SH3RF3: variants seen among roughly 807,000 people sequenced by gnomAD.
SH3RF3 encodes the protein SH3 domain containing ring finger 3.
SH3RF3 carries 29 observed loss-of-function variants against 66.3 expected under a neutral mutation model. That is an observed-to-expected ratio of 0.44 (90% CI 0.33 to 0.60). The LOEUF (loss-of-function observed/expected upper bound fraction) is 0.60, where lower values mean the gene tolerates loss of function less well. Among genes scored for constraint, SH3RF3 ranks in the 20% least tolerant of loss-of-function variants. SH3RF3 has a pLI of 0.04. For missense variants in SH3RF3, 1,194 were observed against 1,190.9 expected (o/e 1.00, Z -0.04); for synonymous variants, 583 against 532.0 (o/e 1.10, Z -1.32).
At chr2:109,418,884 A>G (rs758024736) in intron 4 of SH3RF3, among the ~76,000 whole-genome samples, 19 of 152,062 alleles carry the variant, frequency 1.2e-4, no homozygotes, top group Non-Finnish European at 1.8e-4. Context: ...AGGATTCTCT[A>G]TGTAGGAATT....
At chr2:109,159,213 C>CT (rs1189818384) in intron 1 of SH3RF3, among the ~76,000 whole-genome samples, 1 of 152,236 alleles carries the variant, frequency 6.6e-6, no homozygotes, top group Non-Finnish European at 1.5e-5. Flanking sequence ...CCAGGCTCTG[C>CT]TTTGAGCTTC....
intron 1 of SH3RF3, among the ~76,000 whole-genome samples, chr2:109,169,043 G>A (rs1195366328): frequency 2.0e-5 from 3 of 152,172 alleles, no homozygotes; most frequent in Non-Finnish European, 2.9e-5. Context: ...GTCACTGAGG[G>A]CTGAGAAGTG....
intron 1 of SH3RF3, among the ~76,000 whole-genome samples, chr2:109,141,206 A>AT (rs1238158285): frequency 8.5e-5 from 13 of 152,088 alleles, no homozygotes; most frequent in African/African-American, 2.9e-4. Context: ...TTCTGGCTCC[A>AT]TTTTTATTTG....
intron 1 of SH3RF3, among the ~76,000 whole-genome samples, chr2:109,209,847 C>T (rs1176755466): frequency 6.6e-6 from 1 of 152,182 alleles, no homozygotes; most frequent in Non-Finnish European, 1.5e-5. Flanking sequence ...ACATATATTA[C>T]ATAAATTTTA....
At chr2:109,491,123 G>T (rs1373251104) in intron 9 of SH3RF3, among the ~76,000 whole-genome samples, 187 bp downstream of exon 9, 2 of 152,230 alleles carry the variant, frequency 1.3e-5, no homozygotes, top group African/African-American at 4.8e-5. Flanking sequence ...TCTGGGAACT[G>T]GAGTGTTATT....
At chr2:109,235,916 C>CT (rs1679635936) in intron 1 of SH3RF3, among the ~76,000 whole-genome samples, 1 of 152,106 alleles carries the variant, frequency 6.6e-6, no homozygotes. Flanking sequence ...ACTGCCCTTA[C>CT]TTTAAGAGGC....
chr2:109,212,670 TA>T (rs1448315574), intron 1 of SH3RF3, among the ~76,000 whole-genome samples: 1 of 152,216 alleles, frequency 6.6e-6, no homozygotes, highest in East Asian at 1.9e-4. Context: ...TTTCTTGTGT[TA>T]AATGGACTCA....
At chr2:109,406,065 C>T (rs932036963) in intron 4 of SH3RF3, among the ~76,000 whole-genome samples, 2 of 152,208 alleles carry the variant, frequency 1.3e-5, no homozygotes, top group African/African-American at 2.4e-5. Context: ...GTGTCCAGGG[C>T]GTGCAGCCGG....
chr2:109,294,034 T>C (rs1007990635), intron 1 of SH3RF3, among the ~76,000 whole-genome samples: 1 of 152,216 alleles, frequency 6.6e-6, no homozygotes, highest in African/African-American at 2.4e-5. Flanking sequence ...CTTCTTGGAA[T>C]GGTCTTTTCT....
At chr2:109,488,919 G>C (rs989908104) in intron 8 of SH3RF3, among the ~76,000 whole-genome samples, 1 of 152,206 alleles carries the variant, frequency 6.6e-6, no homozygotes, top group Non-Finnish European at 1.5e-5. Context: ...CAGGTATCTG[G>C]ATCCCCGTGC....
At chr2:109,404,678 C>T (rs1339105414) in intron 4 of SH3RF3, among the ~76,000 whole-genome samples, 2 of 152,134 alleles carry the variant, frequency 1.3e-5, no homozygotes, top group East Asian at 3.9e-4. Context: ...CCACCGGGTG[C>T]CCCCTCCCAG....
intron 4 of SH3RF3, among the ~76,000 whole-genome samples, chr2:109,401,436 C>T (rs1334942907): frequency 6.6e-6 from 1 of 152,230 alleles, no homozygotes; most frequent in African/African-American, 2.4e-5. Flanking sequence ...GTCAGGGACC[C>T]CCATCAACCA....
chr2:109,362,229 T>C (rs975959241), intron 2 of SH3RF3, among the ~76,000 whole-genome samples: 1 of 152,228 alleles, frequency 6.6e-6, no homozygotes, highest in African/African-American at 2.4e-5. Flanking sequence ...GGTGCTACTT[T>C]TGCGGCATCT....
chr2:109,446,435 G>T (rs761310070), intron 7 of SH3RF3, among the ~76,000 whole-genome samples: 1 of 152,160 alleles, frequency 6.6e-6, no homozygotes, highest in Non-Finnish European at 1.5e-5. Context: ...AGCCTCCAGC[G>T]AACATGTAAA....
intron 1 of SH3RF3, among the ~76,000 whole-genome samples, chr2:109,299,117 A>G (rs1374818732): frequency 3.9e-5 from 6 of 152,254 alleles, no homozygotes; most frequent in Non-Finnish European, 7.4e-5. Context: ...TTTGCAGATG[A>G]GGCCCCCTCA....
At chr2:109,189,267 G>A (rs17035090) in intron 1 of SH3RF3, among the ~76,000 whole-genome samples, 4,372 of 151,972 alleles carry the variant, frequency 0.029, 212 homozygotes, top group African/African-American at 0.1. Context: ...GCTTGATCTG[G>A]AGTTACCTGG....
intron 1 of SH3RF3, among the ~76,000 whole-genome samples, chr2:109,246,536 TC>T (rs1260355725): frequency 6.6e-6 from 1 of 152,194 alleles, no homozygotes; most frequent in Non-Finnish European, 1.5e-5. Context: ...CATTGCATAC[TC>T]CAAGGAATAT....
chr2:109,235,560 G>T (rs1019009145), intron 1 of SH3RF3, among the ~76,000 whole-genome samples: 6 of 152,240 alleles, frequency 3.9e-5, no homozygotes, highest in Non-Finnish European at 7.3e-5. Flanking sequence ...GAAGTGACTG[G>T]TAAGATGGTT....
chr2:109,454,990 G>T (rs1677999376), intron 8 of SH3RF3, among the ~76,000 whole-genome samples: 1 of 151,944 alleles, frequency 6.6e-6, no homozygotes, highest in Non-Finnish European at 1.5e-5. Flanking sequence ...ATAGAATATT[G>T]AAACTTGAAA....
Sources: gnomAD v4.1 joint callset for allele counts (sites outside exome capture counted in the v4.1 genomes callset) on GRCh38, gnomAD v4.1.1 for gene constraint, MANE v1.5 for transcripts, NCBI Gene and HGNC (gene_info 2026-07-23, HGNC 2026-07-21) for gene names.